CNTN4: variants seen among roughly 807,000 people sequenced by gnomAD.
The protein encoded by CNTN4 is contactin 4, also known as contactin-4.
A neutral mutation model predicts 122.5 loss-of-function variants in CNTN4; 77 were observed. The observed-to-expected ratio is 0.63, with a 90% CI of 0.52 to 0.76. The LOEUF (loss-of-function observed/expected upper bound fraction) is 0.76. Among genes scored for constraint, CNTN4 ranks in the 30% least tolerant of loss-of-function variants. The probability of loss-of-function intolerance (pLI) is 0.00; values close to 1 mark genes in which losing one functional copy is unlikely to be tolerated. For missense variants in CNTN4, 1,256 were observed against 1,259.1 expected (o/e 1.00, Z 0.04); for synonymous variants, 512 against 447.0 (o/e 1.15, Z -1.83).
At chr3:2,596,346 TATTTA>T (rs1226554989) in intron 4 of CNTN4, among the ~76,000 whole-genome samples, 1 of 152,210 alleles carries the variant, frequency 6.6e-6, no homozygotes, top group African/African-American at 2.4e-5. Context: ...TAAGCATATT[TATTTA>T]ATTTAAACAT....
intron 4 of CNTN4, among the ~76,000 whole-genome samples, chr3:2,733,541 T>TTTTG (rs1553623987): frequency 6.9e-6 from 1 of 145,770 alleles, no homozygotes; most frequent in African/African-American, 2.6e-5. Context: ...TGTTTTTTTT[T>TTTTG]TTTTTTTTTT....
intron 2 of CNTN4, among the ~76,000 whole-genome samples, chr3:2,308,822 T>G (rs2042812755): frequency 6.6e-6 from 1 of 152,042 alleles, no homozygotes; most frequent in Non-Finnish European, 1.5e-5. Flanking sequence ...ATAAAACCGT[T>G]AATATTTCAA....
intron 2 of CNTN4, among the ~76,000 whole-genome samples, chr3:2,237,777 G>T (rs1301683922): frequency 6.6e-6 from 1 of 152,130 alleles, no homozygotes; most frequent in Non-Finnish European, 1.5e-5. Context: ...TTTATGATCT[G>T]ATGAAATTTA....
At chr3:2,834,572 A>G (rs2093174553) in intron 7 of CNTN4, among the ~76,000 whole-genome samples, 1 of 152,198 alleles carries the variant, frequency 6.6e-6, no homozygotes, top group South Asian at 2.1e-4. Flanking sequence ...ATCTCAAAAA[A>G]CAAACAAACT....
chr3:2,169,698 A>G (rs899898006), intron 2 of CNTN4, among the ~76,000 whole-genome samples: 3 of 152,008 alleles, frequency 2.0e-5, no homozygotes, highest in South Asian at 2.1e-4. Flanking sequence ...CGCCCGGCCT[A>G]GAAACTTTAA....
chr3:2,292,790 C>T (rs751602703), intron 2 of CNTN4, among the ~76,000 whole-genome samples: 5 of 152,152 alleles, frequency 3.3e-5, no homozygotes, highest in Admixed American at 6.5e-5. Flanking sequence ...GAATATATCA[C>T]AATTTATTCC....
intron 2 of CNTN4, among the ~76,000 whole-genome samples, chr3:2,314,260 A>T (rs1198224939): frequency 6.6e-6 from 1 of 151,984 alleles, no homozygotes; most frequent in East Asian, 1.9e-4. Flanking sequence ...ACACATACAT[A>T]TGTATATATA....
At chr3:2,792,717 T>C (rs1048018773) in intron 6 of CNTN4, among the ~76,000 whole-genome samples, 3 of 152,186 alleles carry the variant, frequency 2.0e-5, no homozygotes, top group Non-Finnish European at 4.4e-5. Flanking sequence ...TTGAAGGGTG[T>C]TTTGTTATAA....
Position 2,628,875 on chromosome 3 carries a change from T to C in CNTN4, c.55+57317T>C, listed in dbSNP as rs546867680. On this transcript the variant is annotated intron_variant, in intron 4 of 24. Transcript: ENST00000418658. ...CTGGATATAACCCAAAAGGGTTTTT[T>C]TGTTTGTTTTTTACTCATGATATAA... 1.2e-4 allele frequency among the ~76,000 whole-genome samples: 18 copies of C among 152,364 alleles called. No individual in the cohort carries two copies. In the South Asian group the frequency reaches 3.5e-3, roughly 30 times the overall value.
At chr3:2,597,896 G>C (rs143459583) in intron 4 of CNTN4, among the ~76,000 whole-genome samples, 1 of 152,120 alleles carries the variant, frequency 6.6e-6, no homozygotes, top group South Asian at 2.1e-4. Context: ...TCTGTATGTA[G>C]GAGGAAGAAA....
At chr3:2,309,102 A>G (rs900795102) in intron 2 of CNTN4, among the ~76,000 whole-genome samples, 2 of 152,102 alleles carry the variant, frequency 1.3e-5, no homozygotes, top group South Asian at 4.1e-4. Context: ...TTCTTCTTTC[A>G]TTTCTATCAG....
intron 3 of CNTN4, among the ~76,000 whole-genome samples, chr3:2,422,849 G>T (rs1207111060): frequency 6.6e-6 from 1 of 152,180 alleles, no homozygotes; most frequent in African/African-American, 2.4e-5. Flanking sequence ...ATCAGGTAAT[G>T]AGATATAACA....
At chr3:3,021,997 G>C (rs1415315871) in intron 14 of CNTN4, among the ~76,000 whole-genome samples, 2 of 151,094 alleles carry the variant, frequency 1.3e-5, no homozygotes, top group Non-Finnish European at 2.9e-5. Context: ...GGCTGAGGCA[G>C]GCAGATTGCC....
chr3:2,890,785 C>G (rs2094030198), intron 10 of CNTN4, among the ~76,000 whole-genome samples: 2 of 152,168 alleles, frequency 1.3e-5, no homozygotes, highest in South Asian at 2.1e-4. Flanking sequence ...GAAGCAAGTT[C>G]AGAGATAGAA....
At chr3:3,016,155 G>A (rs954676182) in intron 14 of CNTN4, among the ~76,000 whole-genome samples, 8 of 152,056 alleles carry the variant, frequency 5.3e-5, no homozygotes, top group Admixed American at 1.3e-4. Flanking sequence ...TCAAAGGCAC[G>A]CCATAGAGTG....
intron 8 of CNTN4, among the ~76,000 whole-genome samples, chr3:2,873,591 C>G (rs2093810572): frequency 6.6e-6 from 1 of 152,230 alleles, no homozygotes; most frequent in African/African-American, 2.4e-5. Context: ...CATGCATCCT[C>G]CATTATGGTC....
rs2090312593 is a variant in CNTN4, at chr3:2,755,849, C to A, written c.358+10152C>A. On this transcript the variant is annotated intron_variant, in intron 6 of 24. Transcript: ENST00000418658. Reference sequence around the variant, plus strand: ...ATCAGACTTTTAAAAAACATGAAGGCTAAAAGAGAACAATTAATATTTTGT... The same window carrying A: ...ATCAGACTTTTAAAAAACATGAAGGATAAAAGAGAACAATTAATATTTTGT... 2.0e-5 allele frequency among the ~76,000 whole-genome samples: 3 copies of A among 151,952 alleles called. No individual in the cohort carries two copies. In the South Asian group the frequency reaches 6.2e-4, roughly 32 times the overall value.
intron 4 of CNTN4, among the ~76,000 whole-genome samples, chr3:2,686,038 T>C (rs1024053871): frequency 6.6e-6 from 1 of 152,154 alleles, no homozygotes; most frequent in Non-Finnish European, 1.5e-5. Flanking sequence ...CAAGTGTGAA[T>C]ACACACAAAA....
intron 11 of CNTN4, among the ~76,000 whole-genome samples, chr3:2,902,623 C>A (rs1356727853): frequency 6.6e-6 from 1 of 152,198 alleles, no homozygotes; most frequent in Non-Finnish European, 1.5e-5. Context: ...AATGGCTCCA[C>A]TATTAAATCA....
Sources: allele counts gnomAD v4.1 joint callset (sites outside exome capture counted in the v4.1 genomes callset), GRCh38; gene constraint gnomAD v4.1.1; transcripts MANE v1.5; gene names NCBI Gene and HGNC (gene_info 2026-07-23, HGNC 2026-07-21).